EIF5A2: variants seen among roughly 807,000 people sequenced by gnomAD.
The protein encoded by EIF5A2 is eukaryotic translation initiation factor 5A2.
In EIF5A2, 15 loss-of-function variants were observed where a neutral mutation model predicts 16.4. That is an observed-to-expected ratio of 0.92 (90% CI 0.61 to 1.41). The LOEUF is 1.41. EIF5A2 is among the 40% of genes most tolerant of loss of function. The pLI is 0.00. For synonymous variants in EIF5A2, 48 were observed against 61.1 expected (o/e 0.79, Z 1.00); for missense variants, 144 against 189.5 (o/e 0.76, Z 1.41).
chr3:170,907,653 C>A lies in EIF5A2; in HGVS notation c.154G>T (p.Gly52Cys). ...EMSTSKTGKH[G>C]HAKVHLVGID... ...GCAAGGGTACTTACCTTGGCATGAC[C>A]ATGCTTTCCAGTTTTGGAAGTTGAC... The change falls in exon 2 of 5, where the codon GGT (glycine) becomes TGT (cysteine). Residue 52 changes from glycine to cysteine, a missense_variant. Physicochemically the swap from Gly to Cys is radical, Grantham distance 159 (BLOSUM62 -3). Transcript: ENST00000295822. 6.2e-7 allele frequency: 1 copy of A among 1,600,308 alleles called. No individual in the cohort carries two copies. The highest frequency in any genetic ancestry group is 8.6e-7 in the Non-Finnish European group (1 of 1,169,212).
chr3:170,899,414 AT>A (rs894061451), intron 3 of EIF5A2, among the ~76,000 whole-genome samples: 2 of 151,282 alleles, frequency 1.3e-5, no homozygotes, highest in Non-Finnish European at 2.9e-5. Flanking sequence ...TTTATTTTTT[AT>A]TTTTTTAATT....
Position 170,889,037 on chromosome 3 carries a change from C to CAAT in EIF5A2, c.*4320_*4322dup. 1 of 123,694 alleles carries CAAT rather than the reference C, an allele frequency of 8.1e-6. No individual in the cohort carries two copies. The highest frequency in any genetic ancestry group is 2.7e-4 in the South Asian group (1 of 3,698). 7.7% of individuals were successfully genotyped at this position (123,694 alleles called of 1,614,324 possible). A position where few individuals can be genotyped will look rare whatever the true frequency, so the allele number is the denominator to read the frequency against. On this transcript the variant is annotated 3_prime_UTR_variant, in exon 5 of 5. Transcript: ENST00000295822. ...CAGTTTTAGGGACTTCATATAAATA[C>CAAT]AATAACCTGTCTTTTTTTTTTTTTT...
intron 3 of EIF5A2, among the ~76,000 whole-genome samples, chr3:170,900,755 C>T (rs1358093752): frequency 6.6e-6 from 1 of 151,970 alleles, no homozygotes; most frequent in African/African-American, 2.4e-5. Flanking sequence ...GTCAAATACA[C>T]CCACCCCCGC....
chr3:170,904,362 C>T (rs574556970), intron 3 of EIF5A2, among the ~76,000 whole-genome samples: 38 of 152,318 alleles, frequency 2.5e-4, no homozygotes, highest in African/African-American at 9.1e-4. Flanking sequence ...AACTGCCGAA[C>T]TGGCACTCAA....
chr3:170,892,990 T>C lies in EIF5A2; in HGVS notation c.*370A>G, dbSNP rs1349284285. The C allele has an allele frequency of 2.5e-6, 1 of 404,832 alleles. No individual in the cohort carries two copies. Among genetic ancestry groups the C allele is most frequent in the Non-Finnish European group, 4.3e-6 (1 of 230,604 alleles). The allele number at this position is 404,832 out of a possible 1,614,324, so 25.1% of individuals were successfully genotyped here. A position where few individuals can be genotyped will look rare whatever the true frequency, so the allele number is the denominator to read the frequency against. ...GCAGAGCAGTTCAACTTAAATATGG[T>C]ACTTCAATACCACTTTATGCTACAT... is the stretch of plus-strand genomic sequence containing the variant. On this transcript the variant is annotated 3_prime_UTR_variant, in exon 5 of 5. Coordinates refer to ENST00000295822, the MANE Select transcript of EIF5A2 (RefSeq NM_020390.6).
chr3:170,905,625 C>T (rs1457679593), intron 3 of EIF5A2, among the ~76,000 whole-genome samples: 1 of 152,174 alleles, frequency 6.6e-6, no homozygotes, highest in African/African-American at 2.4e-5. Flanking sequence ...ATTTTTCGAG[C>T]ACCTACTATG....
rs1311269952 is a variant in EIF5A2, at chr3:170,891,966, CT to C, written c.*1393del. 1.3e-5 allele frequency: 2 copies of C among 152,336 alleles called. No individual in the cohort carries two copies. Among genetic ancestry groups the C allele is most frequent in the African/African-American group, 4.9e-5 (2 of 41,236 alleles). The allele number at this position is 152,336 out of a possible 1,614,324, so 9.4% of individuals were successfully genotyped here. A position where few individuals can be genotyped will look rare whatever the true frequency, so the allele number is the denominator to read the frequency against. On this transcript the variant is annotated 3_prime_UTR_variant, in exon 5 of 5. Coordinates refer to ENST00000295822, the MANE Select transcript of EIF5A2 (RefSeq NM_020390.6). ...GAAAAAATGCATATACTTAAAATAA[CT>C]TAACTTAAATAATAATATTCATATA...
intron 3 of EIF5A2, among the ~76,000 whole-genome samples, chr3:170,904,033 G>A (rs916751546): frequency 1.3e-4 from 20 of 152,158 alleles, no homozygotes; most frequent in African/African-American, 4.8e-4. Flanking sequence ...ACTTTCTAAA[G>A]AAATATGATT....
In EIF5A2 at chr3:170,891,053, G is replaced by A. The variant is rs760942916; in HGVS notation, c.*2307C>T. 14 of 152,484 alleles carry A rather than the reference G, an allele frequency of 9.2e-5. No homozygotes were observed. Among genetic ancestry groups the A allele is most frequent in the Admixed American group, 2.6e-4 (4 of 15,254 alleles). The allele number at this position is 152,484 out of a possible 1,614,324, so 9.4% of individuals were successfully genotyped here. A position where few individuals can be genotyped will look rare whatever the true frequency, so the allele number is the denominator to read the frequency against. On this transcript the variant is annotated 3_prime_UTR_variant, in exon 5 of 5. Coordinates refer to ENST00000295822, the MANE Select transcript of EIF5A2 (RefSeq NM_020390.6). ...CCATTCAAAGTATGAAGATAGAGAT[G>A]CATTATTATAATTTGTACACCCTTA...
At chr3:170,905,384 A>G (rs1354446306) in intron 3 of EIF5A2, among the ~76,000 whole-genome samples, 2 of 152,244 alleles carry the variant, frequency 1.3e-5, no homozygotes, top group Non-Finnish European at 2.9e-5. Context: ...TAACCTTATC[A>G]TAGTATAATA....
chr3:170,903,045 CACAGA>C (rs1449355759), intron 3 of EIF5A2, among the ~76,000 whole-genome samples: 3 of 152,062 alleles, frequency 2.0e-5, no homozygotes, highest in Non-Finnish European at 2.9e-5. Context: ...AGAAGAAGAA[CACAGA>C]ACAGAAGAAC....
chr3:170,894,299 T>A lies in EIF5A2; in HGVS notation c.395A>T (p.Asp132Val). The change falls in exon 4 of 5, where the codon GAT becomes GTT. Residue 132 changes from aspartate to valine, a missense_variant. By Grantham distance (152) the Asp-to-Val change is radical. Transcript: ENST00000295822. Reference sequence around the variant, plus strand: ...CCTTCTCTAAGTCTTTACCTGTACATCTTCACCTGCATTGTATTTTCCCTC... The same window carrying A: ...CCTTCTCTAAGTCTTTACCTGTACAACTTCACCTGCATTGTATTTTCCCTC... ...EIEGKYNAGE[D>V]VQVSVMCAMS... 1 of 1,613,602 alleles carries A rather than the reference T, an allele frequency of 6.2e-7. No individual in the cohort carries two copies. The highest frequency in any genetic ancestry group is 8.5e-7 in the Non-Finnish European group (1 of 1,179,718).
intron 3 of EIF5A2, among the ~76,000 whole-genome samples, chr3:170,895,289 A>T (rs1712641723): frequency 6.6e-6 from 1 of 151,570 alleles, no homozygotes; most frequent in Non-Finnish European, 1.5e-5. Context: ...TCTTCAGTCA[A>T]CAACAACAAC....
intron 3 of EIF5A2, among the ~76,000 whole-genome samples, chr3:170,895,650 A>G (rs977096676): frequency 4.6e-5 from 7 of 152,186 alleles, no homozygotes; most frequent in African/African-American, 1.7e-4. Flanking sequence ...AAAACTGCCT[A>G]TGGCTCTCCA....
Position 170,890,775 on chromosome 3 carries a change from A to G in EIF5A2, c.*2585T>C, listed in dbSNP as rs1230353554. On this transcript the variant is annotated 3_prime_UTR_variant, in exon 5 of 5. Coordinates refer to ENST00000295822, the MANE Select transcript of EIF5A2 (RefSeq NM_020390.6). ...TTTGCTACAAAAAAGTACAACAAAT[A>G]TTGGGAATCAACTTTAACATTTCTG... 6.6e-6 allele frequency: 1 copy of G among 152,578 alleles called. No homozygotes were observed. Among genetic ancestry groups the G allele is most frequent in the Non-Finnish European group, 1.5e-5 (1 of 67,990 alleles). 9.5% of individuals were successfully genotyped at this position (152,578 alleles called of 1,614,324 possible).
chr3:170,907,200 T>C, intron 2 of EIF5A2, 107 bp from the exon 3 acceptor site: 2 of 663,672 alleles, frequency 3.0e-6, no homozygotes, highest in Non-Finnish European at 4.9e-6. Context: ...CTTTTTCTCC[T>C]CCTTCCAAGG....
intron 3 of EIF5A2, among the ~76,000 whole-genome samples, chr3:170,902,488 C>T (rs1402843291): frequency 6.8e-6 from 1 of 146,644 alleles, no homozygotes; most frequent in Admixed American, 6.9e-5. Context: ...ACTGCAACTT[C>T]CACCTCCCAG....
rs1214980821 is a variant in EIF5A2 at position 170,893,263 on chromosome 3, G to A, written c.*97C>T. 8.5e-7 allele frequency: 1 copy of A among 1,176,524 alleles called. No homozygotes were observed. 72.9% of individuals were successfully genotyped at this position (1,176,524 alleles called of 1,614,324 possible). ...GAAAACAATTAAAAAAAGAAATGAG[G>A]TTGCTTATGAAGGCTATAGCTTTGG... On this transcript the variant is annotated 3_prime_UTR_variant, in exon 5 of 5. Transcript: ENST00000295822.
Position 170,905,910 on chromosome 3 carries a change from A to C in EIF5A2, c.270+1079T>G, listed in dbSNP as rs143229181. On this transcript the variant is annotated intron_variant, in intron 3 of 4. Transcript: ENST00000295822. ...ACCTGGTTAAAAAAACCCACTTGCA[A>C]GACAATTCAAATTTCTACAAAGACT... is the stretch of plus-strand genomic sequence containing the variant. Among the ~76,000 whole-genome samples the C allele has an allele frequency of 4.1e-3, 628 of 152,332 alleles. 6 individuals carry two copies. Among genetic ancestry groups the C allele is most frequent in the African/African-American group, 0.014 (599 of 41,578 alleles).
Sources: allele counts gnomAD v4.1 joint callset (sites outside exome capture counted in the v4.1 genomes callset), GRCh38; gene constraint gnomAD v4.1.1; transcripts MANE v1.5; gene names NCBI Gene and HGNC (gene_info 2026-07-23, HGNC 2026-07-21).